Variants in DNAJC3 observed in about 807,000 individuals in gnomAD.
DNAJC3 encodes the protein DnaJ heat shock protein family (Hsp40) member C3.
A neutral mutation model predicts 68.6 loss-of-function variants in DNAJC3; 38 were observed. That is an observed-to-expected ratio of 0.55 (90% confidence interval 0.43 to 0.73). The LOEUF (loss-of-function observed/expected upper bound fraction) is 0.73, where lower values mean the gene tolerates loss of function less well. Among genes scored for constraint, DNAJC3 ranks in the 30% least tolerant of loss-of-function variants. The pLI, the probability that DNAJC3 is intolerant of heterozygous loss-of-function variation, is 0.00. For synonymous variants in DNAJC3, 203 were observed against 204.0 expected (o/e 1.00, Z 0.04); for missense variants, 526 against 591.9 (o/e 0.89, Z 1.16).
chr13:95,714,253 A>G (rs965222685), intron 2 of DNAJC3, among the ~76,000 whole-genome samples: 5 of 152,176 alleles, frequency 3.3e-5, no homozygotes, highest in African/African-American at 1.2e-4. Context: ...AATAATGAAT[A>G]TAAATATTTC....
In DNAJC3 at chr13:95,732,125, G is replaced by A. The variant is rs569401206; in HGVS notation, c.393+6873G>A. 2.1e-4 allele frequency among the ~76,000 whole-genome samples: 32 copies of A among 152,190 alleles called. 1 individual carries two copies. In the South Asian group the frequency reaches 6.6e-3, roughly 32 times the overall value. ...TGCATCTGTGTTCATCAAAGACATTGGCCTGTAGTTTTCTTTCTTTGTTGT... is the reference window on the plus strand; with the variant it reads ...TGCATCTGTGTTCATCAAAGACATTAGCCTGTAGTTTTCTTTCTTTGTTGT... On this transcript the variant is annotated intron_variant, in intron 4 of 11. Transcript: ENST00000602402.
rs548456071 is a variant in DNAJC3 at position 95,746,213 on chromosome 13, T to C, written c.394-11431T>C. ...CAGGTCTCAACTGTATGGACAGTTT[T>C]ACAAAGTGCAGAATAGGATAGTTGC... On this transcript the variant is annotated intron_variant, in intron 4 of 11. Transcript: ENST00000602402. 3.9e-5 allele frequency among the ~76,000 whole-genome samples: 6 copies of C among 152,336 alleles called. No homozygotes were observed. The South Asian group carries it at 1.2e-3, about 32-fold the overall frequency.
chr13:95,750,922 C>G (rs1594004019), intron 4 of DNAJC3, among the ~76,000 whole-genome samples: 2 of 152,272 alleles, frequency 1.3e-5, no homozygotes, highest in African/African-American at 4.8e-5. Flanking sequence ...GGGAAGTTAT[C>G]TGTAGTAAGT....
In DNAJC3 at chr13:95,791,193, G is replaced by T. The variant is rs959288586; in HGVS notation, c.*163G>T. The T allele has an allele frequency of 1.1e-5, 9 of 797,780 alleles. No individual in the cohort carries two copies. The highest frequency in any genetic ancestry group is 1.8e-5 in the Non-Finnish European group (9 of 513,266). The allele number at this position is 797,780 out of a possible 1,614,324, so 49.4% of individuals were successfully genotyped here. Reference sequence around the variant, plus strand: ...CTGTTCTTATCCCTGTCAGATTTATGGTTAATGGGTTTGCAACGGCAAGGA... The same window carrying T: ...CTGTTCTTATCCCTGTCAGATTTATTGTTAATGGGTTTGCAACGGCAAGGA... On this transcript the variant is annotated 3_prime_UTR_variant, in exon 12 of 12. Transcript: ENST00000602402.
At chr13:95,751,800 C>T (rs987565512) in intron 4 of DNAJC3, among the ~76,000 whole-genome samples, 3 of 152,206 alleles carry the variant, frequency 2.0e-5, no homozygotes, top group Non-Finnish European at 2.9e-5. Flanking sequence ...CACAGTTTCA[C>T]ATGGCTGGGG....
chr13:95,687,144 G>T (rs1246682643), intron 1 of DNAJC3, among the ~76,000 whole-genome samples: 1 of 152,130 alleles, frequency 6.6e-6, no homozygotes, highest in Non-Finnish European at 1.5e-5. Context: ...TTTTGTAAAT[G>T]GGATTGAATT....
intron 1 of DNAJC3, among the ~76,000 whole-genome samples, chr13:95,704,515 G>T (rs1294208140): frequency 2.0e-5 from 3 of 152,190 alleles, no homozygotes; most frequent in Non-Finnish European, 4.4e-5. Context: ...TGAGCACATT[G>T]TCCACCTCTT....
intron 1 of DNAJC3, among the ~76,000 whole-genome samples, chr13:95,699,974 C>T (rs1484841875): frequency 6.6e-6 from 1 of 152,126 alleles, no homozygotes; most frequent in Non-Finnish European, 1.5e-5. Flanking sequence ...TGTGTCACCA[C>T]ACCAGGCTCA....
chr13:95,793,929 T>G lies in DNAJC3; in HGVS notation c.*2899T>G, dbSNP rs1883878775. ...TGCCCAGCAGGAAGTATTAGACACA[T>G]CAGTCTAGAAGCATTGTGAAAAGGT... is the stretch of plus-strand genomic sequence containing the variant. On this transcript the variant is annotated 3_prime_UTR_variant, in exon 12 of 12. Coordinates refer to ENST00000602402, the MANE Select transcript of DNAJC3 (RefSeq NM_006260.5). The G allele has an allele frequency of 6.6e-6, 1 of 152,212 alleles. No homozygotes were observed. The highest frequency in any genetic ancestry group is 1.5e-5 in the Non-Finnish European group (1 of 68,048). The allele number at this position is 152,212 out of a possible 1,614,324, so 9.4% of individuals were successfully genotyped here. A position where few individuals can be genotyped will look rare whatever the true frequency, so the allele number is the denominator to read the frequency against.
chr13:95,742,100 G>A (rs751161614), intron 4 of DNAJC3, among the ~76,000 whole-genome samples: 16 of 152,178 alleles, frequency 1.1e-4, no homozygotes, highest in Non-Finnish European at 2.2e-4. Flanking sequence ...GGTGGCTGGG[G>A]AGCACACACT....
At chr13:95,731,162 T>C (rs886809775) in intron 4 of DNAJC3, among the ~76,000 whole-genome samples, 5 of 151,136 alleles carry the variant, frequency 3.3e-5, no homozygotes, top group Non-Finnish European at 5.9e-5. Flanking sequence ...TCCTGCACTT[T>C]ACTGAATTAA....
At chr13:95,781,778 A>G (rs968389464) in intron 9 of DNAJC3, among the ~76,000 whole-genome samples, 1 of 151,498 alleles carries the variant, frequency 6.6e-6, no homozygotes, top group South Asian at 2.1e-4. Flanking sequence ...CTGTTCAGTA[A>G]TGGTGGGATA....
At chr13:95,770,011 G>A (rs1219877450) in intron 9 of DNAJC3, among the ~76,000 whole-genome samples, 1 of 152,202 alleles carries the variant, frequency 6.6e-6, no homozygotes, top group East Asian at 1.9e-4. Flanking sequence ...GAAGTAAAAA[G>A]TGCTAAGGAA....
At chr13:95,720,401 A>G (rs1031620622) in intron 2 of DNAJC3, among the ~76,000 whole-genome samples, 2 of 152,228 alleles carry the variant, frequency 1.3e-5, no homozygotes, top group Non-Finnish European at 2.9e-5. Flanking sequence ...TTTGGAATAC[A>G]TGGACTACAG....
chr13:95,727,441 G>C (rs1319537560), intron 4 of DNAJC3, among the ~76,000 whole-genome samples: 2 of 152,144 alleles, frequency 1.3e-5, no homozygotes, highest in Admixed American at 6.5e-5. Flanking sequence ...TACTTGTAGA[G>C]TGTTCTTAAA....
intron 9 of DNAJC3, among the ~76,000 whole-genome samples, chr13:95,775,866 C>T (rs549263467): frequency 4.6e-5 from 7 of 152,202 alleles, no homozygotes; most frequent in South Asian, 2.1e-4. Flanking sequence ...AGCGTCACCC[C>T]GAGTTAGAGT....
At chr13:95,704,997 A>T (rs1880691873) in intron 1 of DNAJC3, among the ~76,000 whole-genome samples, 1 of 152,064 alleles carries the variant, frequency 6.6e-6, no homozygotes, top group East Asian at 1.9e-4. Context: ...GATTACAGGC[A>T]TGCACCACCA....
At chr13:95,755,581 A>T (rs1051246802) in intron 4 of DNAJC3, among the ~76,000 whole-genome samples, 17 of 151,734 alleles carry the variant, frequency 1.1e-4, no homozygotes, top group African/African-American at 3.9e-4. Flanking sequence ...ATATGGTGAA[A>T]CACCATCTCT....
At chr13:95,683,511 G>A (rs930322591) in intron 1 of DNAJC3, among the ~76,000 whole-genome samples, 4 of 152,214 alleles carry the variant, frequency 2.6e-5, no homozygotes, top group African/African-American at 9.7e-5. Context: ...CTGGCCATGT[G>A]AAGATGTGCC....
Sources: allele counts gnomAD v4.1 joint callset (sites outside exome capture counted in the v4.1 genomes callset), GRCh38; gene constraint gnomAD v4.1.1; transcripts MANE v1.5; gene names NCBI Gene and HGNC (gene_info 2026-07-23, HGNC 2026-07-21).